VRK3: variants seen among roughly 807,000 people sequenced by gnomAD.
VRK3 encodes the protein serine/threonine-protein kinase VRK3.
In VRK3, 50 loss-of-function variants were observed where a neutral mutation model predicts 60.4. The observed-to-expected ratio is 0.83, with a 90% CI of 0.66 to 1.05. VRK3 has a LOEUF of 1.05. Ranked by LOEUF, VRK3 falls within the 50% of genes least tolerant of loss-of-function variation. The pLI is 0.00. For missense variants in VRK3, 549 were observed against 585.3 expected (o/e 0.94, Z 0.64); for synonymous variants, 246 against 227.8 (o/e 1.08, Z -0.72).
At position 49,994,822 on chromosome 19, in the gene VRK3, A is replaced by T. The variant is rs201917667; in HGVS notation, c.862T>A (p.Cys288Ser). The change falls in exon 9 of 15, where the codon TGC becomes AGC. Residue 288 changes from cysteine to serine, a missense_variant. Physicochemically the swap from Cys to Ser is moderately radical, Grantham distance 112. Coordinates refer to ENST00000316763, the MANE Select transcript of VRK3 (RefSeq NM_016440.4). ...AACTTCTGGGTACGCACCAGCCGGCAGGCCACCTGCAGCACAGACCTCTCT... is the reference window on the plus strand; with the variant it reads ...AACTTCTGGGTACGCACCAGCCGGCTGGCCACCTGCAGCACAGACCTCTCT... ...LSERSVLQVA[C>S]RLLDALEFLH... 3.1e-5 allele frequency: 50 copies of T among 1,613,208 alleles called. No homozygotes were observed. The highest frequency in any genetic ancestry group is 1.6e-4 in the Middle Eastern group (1 of 6,080).
At chr19:50,006,417 C>T (rs1035835843) in intron 5 of VRK3, among the ~76,000 whole-genome samples, 7 of 151,800 alleles carry the variant, frequency 4.6e-5, no homozygotes, top group East Asian at 1.9e-4. Context: ...GCTCTGTCAC[C>T]CAGGATGGAG....
intron 12 of VRK3, chr19:49,986,222 C>T (rs2076513779): frequency 6.7e-6 from 1 of 148,928 alleles, no homozygotes; most frequent in Non-Finnish European, 1.5e-5. Flanking sequence ...TAGGAGTATT[C>T]AGAAGTAGTG....
chr19:49,983,289 G>A (rs973445114), intron 12 of VRK3, among the ~76,000 whole-genome samples: 3 of 152,172 alleles, frequency 2.0e-5, no homozygotes, highest in Non-Finnish European at 4.4e-5. Flanking sequence ...TATCGCTCTC[G>A]CTGCCTGGGT....
chr19:50,023,945 A>G (rs1236750233), intron 1 of VRK3, among the ~76,000 whole-genome samples: 2 of 152,152 alleles, frequency 1.3e-5, no homozygotes, highest in Non-Finnish European at 2.9e-5. Flanking sequence ...TCTGCCATGT[A>G]TTGCATGATG....
rs537742832 is a variant in VRK3, at chr19:50,014,665, C to T, written c.139+1359G>A. 8.5e-5 allele frequency among the ~76,000 whole-genome samples: 13 copies of T among 152,182 alleles called. 1 individual carries two copies. Among genetic ancestry groups the T allele is most frequent in the African/African-American group, 2.2e-4 (9 of 41,520 alleles). ...AAGGGAAGAGGCGTCCAGGAGGGAG[C>T]GGCAAGCGCACAGGCTGAGGCCCAG... On this transcript the variant is annotated intron_variant, in intron 3 of 14. Transcript: ENST00000316763.
chr19:50,016,942 C>T lies in VRK3; in HGVS notation c.-1-779G>A, dbSNP rs571880233. 7.6e-4 allele frequency among the ~76,000 whole-genome samples: 105 copies of T among 137,952 alleles called. 1 individual carries two copies. The highest frequency in any genetic ancestry group is 4.2e-3 in the East Asian group (22 of 5,184). 90.5% of individuals were successfully genotyped at this position (137,952 alleles called of 152,430 possible). Reference sequence around the variant, plus strand: ...CGGTGGCTCAAGCCTGTAATCCCAGCGCTTTGGGAGGCCATCACAGGCAGA... The same window carrying T: ...CGGTGGCTCAAGCCTGTAATCCCAGTGCTTTGGGAGGCCATCACAGGCAGA... On this transcript the variant is annotated intron_variant, in intron 2 of 14. Transcript: ENST00000316763.
chr19:49,977,763 C>G (rs1421890305), intron 14 of VRK3, among the ~76,000 whole-genome samples: 6 of 152,044 alleles, frequency 3.9e-5, no homozygotes, highest in Non-Finnish European at 8.8e-5. Context: ...AGCTGTGTAT[C>G]GAGCTGGAGA....
At chr19:50,017,670 T>C (rs1234860790) in intron 2 of VRK3, among the ~76,000 whole-genome samples, 1 of 151,410 alleles carries the variant, frequency 6.6e-6, no homozygotes, top group Non-Finnish European at 1.5e-5. Context: ...AAAGAGAATA[T>C]TCATTTTTAA....
At chr19:49,999,264 G>C (rs2076758953) in intron 6 of VRK3, 1 of 152,318 alleles carries the variant, frequency 6.6e-6, no homozygotes. Context: ...TCCTCTTCTT[G>C]TCCTTTTCTC....
At chr19:49,986,045 A>T (rs896052546) in intron 12 of VRK3, among the ~76,000 whole-genome samples, 2 of 152,156 alleles carry the variant, frequency 1.3e-5, no homozygotes, top group Admixed American at 1.3e-4. Flanking sequence ...GTGTATAATA[A>T]ATGTTAGCTT....
In VRK3 at chr19:49,990,837, T is replaced by G. The variant is rs182242625; in HGVS notation, c.964-1066A>C. On this transcript the variant is annotated intron_variant, in intron 10 of 14. Coordinates refer to ENST00000316763, the MANE Select transcript of VRK3 (RefSeq NM_016440.4). ...TCTCACTGGGTCACGCAGGTTGGAG[T>G]GCAGTGGTATGATCATGGCTCACTG... 5.9e-5 allele frequency among the ~76,000 whole-genome samples: 9 copies of G among 151,944 alleles called. No homozygotes were observed. The East Asian group carries it at 1.7e-3, about 29-fold the overall frequency.
Position 49,979,240 on chromosome 19 carries a change from T to C in VRK3, c.1279A>G (p.Thr427Ala). The change falls in exon 14 of 15, where the codon ACC becomes GCC. Residue 427 changes from threonine to alanine, a missense_variant and splice_region_variant. By Grantham distance (58) the Thr-to-Ala change is moderately conservative. Coordinates refer to ENST00000316763, the MANE Select transcript of VRK3 (RefSeq NM_016440.4). ...PCGHWIRPSE[T>A]LQKYLKVVMA... ...ACCACCTTCAGGTACTTCTGCAGGGTCTCTGTGGTCAAGACAACCCCCAGC... is the reference window on the plus strand; with the variant it reads ...ACCACCTTCAGGTACTTCTGCAGGGCCTCTGTGGTCAAGACAACCCCCAGC... The C allele has an allele frequency of 6.2e-7, 1 of 1,613,916 alleles. No homozygotes were observed. Among genetic ancestry groups the C allele is most frequent in the Non-Finnish European group, 8.5e-7 (1 of 1,179,984 alleles).
intron 9 of VRK3, among the ~76,000 whole-genome samples, chr19:49,994,179 G>C (rs915444189): frequency 2.2e-4 from 34 of 152,098 alleles, no homozygotes; most frequent in Non-Finnish European, 4.4e-5. Context: ...TGCAAACTGG[G>C]CCCTCTTACT....
chr19:49,979,331 TGG>T (rs2076384746), intron 13 of VRK3, 89 bp from the exon 14 acceptor site: 2 of 1,586,728 alleles, frequency 1.3e-6, no homozygotes, highest in Non-Finnish European at 1.7e-6. Context: ...GATGGAGGGG[TGG>T]GGGACTGAGG....
rs918274658 is a variant in VRK3 at position 49,995,379 on chromosome 19, A to G, written c.680-104T>C. 3 of 1,011,290 alleles carry G rather than the reference A, an allele frequency of 3.0e-6. No individual in the cohort carries two copies. The African/African-American group carries it at 4.8e-5, about 16-fold the overall frequency. 62.6% of individuals were successfully genotyped at this position (1,011,290 alleles called of 1,614,324 possible). A position where few individuals can be genotyped will look rare whatever the true frequency, so the allele number is the denominator to read the frequency against. On this transcript the variant is annotated intron_variant, in intron 7 of 14. Transcript: ENST00000316763. Reference sequence around the variant, plus strand: ...AGCACAGAGTGCCCAGACCGCCTCCAAGTCTCCTTGTTGGAGGTGACAACA... The same window carrying G: ...AGCACAGAGTGCCCAGACCGCCTCCGAGTCTCCTTGTTGGAGGTGACAACA...
chr19:50,010,759 A>T (rs1239064705), intron 3 of VRK3, among the ~76,000 whole-genome samples: 3 of 152,142 alleles, frequency 2.0e-5, no homozygotes, highest in Admixed American at 6.6e-5. Context: ...CTAAAAATAT[A>T]AGAATTAGCT....
chr19:50,015,478 T>C (rs1032653816), intron 3 of VRK3, among the ~76,000 whole-genome samples: 1 of 152,060 alleles, frequency 6.6e-6, no homozygotes, highest in African/African-American at 2.4e-5. Flanking sequence ...CCAGCTAATT[T>C]TTGTATTTTT....
chr19:49,992,321 T>G (rs953387118), intron 10 of VRK3, among the ~76,000 whole-genome samples: 1 of 152,242 alleles, frequency 6.6e-6, no homozygotes, highest in Non-Finnish European at 1.5e-5. Flanking sequence ...AGAGAATCGC[T>G]TGAACCCAGG....
intron 13 of VRK3, 85 bp from the exon 14 acceptor site, chr19:49,979,327 G>T (rs867780447): frequency 1.9e-6 from 3 of 1,594,226 alleles, no homozygotes. Flanking sequence ...CAAGGATGGA[G>T]GGGTGGGGGA....
Sources: allele counts gnomAD v4.1 joint callset (sites outside exome capture counted in the v4.1 genomes callset), GRCh38; gene constraint gnomAD v4.1.1; transcripts MANE v1.5; gene names NCBI Gene and HGNC (gene_info 2026-07-23, HGNC 2026-07-21).